EPB41L3: variants seen among roughly 807,000 people sequenced by gnomAD.
EPB41L3 encodes the protein erythrocyte membrane protein band 4.1 like 3, also known as band 4.1-like protein 3.
A neutral mutation model predicts 127.1 loss-of-function variants in EPB41L3; 57 were observed. The ratio of observed to expected loss-of-function variants is 0.45; its 90% CI spans 0.36 to 0.56. The LOEUF is 0.56. Among genes scored for constraint, EPB41L3 ranks in the 20% least tolerant of loss-of-function variants. EPB41L3 has a pLI of 0.00. For missense variants in EPB41L3, 1,273 were observed against 1,372.2 expected (o/e 0.93, Z 1.14); for synonymous variants, 572 against 549.5 (o/e 1.04, Z -0.57).
intron 1 of EPB41L3, among the ~76,000 whole-genome samples, chr18:5,504,861 A>G (rs1236154736): frequency 6.6e-6 from 1 of 152,098 alleles, no homozygotes; most frequent in African/African-American, 2.4e-5. Flanking sequence ...GAATGACCCA[A>G]TGACCTGCAG....
chr18:5,586,349 T>C (rs2094441362), intron 3 of EPB41L3, among the ~76,000 whole-genome samples: 1 of 152,064 alleles, frequency 6.6e-6, no homozygotes, highest in Non-Finnish European at 1.5e-5. Context: ...GTAAATAGTC[T>C]AAATGATTTC....
chr18:5,559,065 A>G (rs1222082696), intron 3 of EPB41L3, among the ~76,000 whole-genome samples: 3 of 152,094 alleles, frequency 2.0e-5, no homozygotes, highest in Non-Finnish European at 1.5e-5. Flanking sequence ...AAAAAGAATA[A>G]TTTGGCATGT....
At chr18:5,509,000 AC>A (rs1262724599) in intron 1 of EPB41L3, among the ~76,000 whole-genome samples, 1 of 152,180 alleles carries the variant, frequency 6.6e-6, no homozygotes, top group Non-Finnish European at 1.5e-5. Context: ...TACAAGACCA[AC>A]GCAGCAGAGG....
intron 5 of EPB41L3, among the ~76,000 whole-genome samples, chr18:5,441,032 G>A (rs1001041191): frequency 3.9e-5 from 6 of 152,120 alleles, no homozygotes; most frequent in African/African-American, 1.4e-4. Flanking sequence ...CTACAGGCAT[G>A]TGTCTCTGCG....
chr18:5,487,518 G>A (rs1232303017), intron 2 of EPB41L3, among the ~76,000 whole-genome samples: 1 of 147,850 alleles, frequency 6.8e-6, no homozygotes, highest in Non-Finnish European at 1.5e-5. Flanking sequence ...TTGAGACAGA[G>A]TCTTGCTCTG....
At chr18:5,509,696 C>T (rs992297564) in intron 1 of EPB41L3, among the ~76,000 whole-genome samples, 11 of 152,158 alleles carry the variant, frequency 7.2e-5, no homozygotes, top group Admixed American at 3.3e-4. Flanking sequence ...TTTTTGCTAC[C>T]ATTCTGCTTT....
At chr18:5,589,337 C>A (rs948645625) in intron 3 of EPB41L3, among the ~76,000 whole-genome samples, 4 of 142,820 alleles carry the variant, frequency 2.8e-5, no homozygotes, top group African/African-American at 1.0e-4. Context: ...CTACTTGAAT[C>A]TCTTGTAAAA....
intron 15 of EPB41L3, 60 bp downstream of exon 15, chr18:5,407,641 G>A: frequency 6.4e-7 from 1 of 1,551,422 alleles, no homozygotes; most frequent in South Asian, 1.1e-5. Flanking sequence ...GACAAACAAT[G>A]ACTTATCACA....
chr18:5,612,949 C>T (rs563882312), intron 2 of EPB41L3, among the ~76,000 whole-genome samples: 2 of 152,264 alleles, frequency 1.3e-5, no homozygotes, highest in African/African-American at 4.8e-5. Flanking sequence ...CCATGTTGGC[C>T]AGGCTGGTCT....
chr18:5,427,622 T>C (rs1398729137), intron 9 of EPB41L3, among the ~76,000 whole-genome samples: 1 of 152,226 alleles, frequency 6.6e-6, no homozygotes, highest in Non-Finnish European at 1.5e-5. Flanking sequence ...CTCTAAACTG[T>C]TCACTTTAAA....
In EPB41L3 at chr18:5,454,188, G is replaced by A. The variant is rs570138226; in HGVS notation, c.382-8944C>T. Among the ~76,000 whole-genome samples the A allele has an allele frequency of 3.6e-5, 5 of 140,764 alleles. No individual in the cohort carries two copies. The South Asian group carries it at 1.2e-3, about 33-fold the overall frequency. The allele number at this position is 140,764 out of a possible 152,430, so 92.3% of individuals were successfully genotyped here. On this transcript the variant is annotated intron_variant, in intron 3 of 22. Coordinates refer to ENST00000341928, the MANE Select transcript of EPB41L3 (RefSeq NM_012307.5). The stretch of plus-strand genomic sequence containing the variant: ...TTGCCTTGAAATTTAAGCGGAGAGT[G>A]TGTTTTTTTTTTGTTTCCTTGTTTT...
chr18:5,409,690 ATAT>A (rs572520846), intron 14 of EPB41L3, among the ~76,000 whole-genome samples: 77 of 137,114 alleles, frequency 5.6e-4, no homozygotes, highest in African/African-American at 1.8e-3. Flanking sequence ...AAACTAGAAA[ATAT>A]TATTATAATA....
At chr18:5,401,475 T>C (rs969506772) in intron 16 of EPB41L3, among the ~76,000 whole-genome samples, 2 of 152,158 alleles carry the variant, frequency 1.3e-5, no homozygotes, top group Non-Finnish European at 2.9e-5. Flanking sequence ...AAGTATCTTA[T>C]TGTATTCCCC....
At chr18:5,425,703 T>A (rs992782883) in intron 9 of EPB41L3, among the ~76,000 whole-genome samples, 4 of 152,222 alleles carry the variant, frequency 2.6e-5, no homozygotes, top group African/African-American at 9.7e-5. Flanking sequence ...CTCACTTTTC[T>A]CAGGCTGTAA....
intron 3 of EPB41L3, among the ~76,000 whole-genome samples, chr18:5,569,783 T>C (rs2094254013): frequency 1.3e-5 from 2 of 152,228 alleles, no homozygotes; most frequent in African/African-American, 4.8e-5. Flanking sequence ...GTAGGTATAA[T>C]TAGTTTGTAT....
At chr18:5,490,227 T>C (rs1001630376) in intron 1 of EPB41L3, among the ~76,000 whole-genome samples, 15 of 152,238 alleles carry the variant, frequency 9.9e-5, no homozygotes, top group Non-Finnish European at 1.9e-4. Context: ...CTTAGGTATA[T>C]GGAGTAAGTA....
At chr18:5,566,718 T>TATTCC (rs1161343380) in intron 3 of EPB41L3, among the ~76,000 whole-genome samples, 12 of 142,878 alleles carry the variant, frequency 8.4e-5, no homozygotes, top group East Asian at 2.1e-4. Flanking sequence ...TTTTCTTTTC[T>TATTCC]ATTCCATTCT....
At chr18:5,608,809 T>C (rs1719982) in intron 3 of EPB41L3, among the ~76,000 whole-genome samples, 75,748 of 152,040 alleles carry the variant, frequency 0.5, 20,935 homozygotes, top group East Asian at 0.92. Flanking sequence ...GATTTTTAGA[T>C]GTGGAACTAA....
intron 3 of EPB41L3, among the ~76,000 whole-genome samples, chr18:5,453,523 A>C (rs1296883123): frequency 2.0e-5 from 3 of 152,148 alleles, no homozygotes; most frequent in Non-Finnish European, 2.9e-5. Context: ...GCTTAGGCTC[A>C]AACCCACTCA....
Sources: gnomAD v4.1 joint callset for allele counts (sites outside exome capture counted in the v4.1 genomes callset) on GRCh38, gnomAD v4.1.1 for gene constraint, MANE v1.5 for transcripts, NCBI Gene and HGNC (gene_info 2026-07-23, HGNC 2026-07-21) for gene names.